Variants in NREP observed in about 807,000 individuals in gnomAD.
NREP encodes the protein neuronal regeneration related protein, also known as neuronal regeneration-related protein.
Under a neutral mutation model 8.6 loss-of-function variants are expected in NREP, and 5 were observed. That is an observed-to-expected ratio of 0.58 (90% CI 0.30 to 1.22). NREP has a LOEUF of 1.22. Among genes scored for constraint, NREP ranks in the 50% most tolerant of loss-of-function variants. NREP has a pLI of 0.07. For missense variants in NREP, 86 were observed against 82.5 expected (o/e 1.04, Z -0.17); for synonymous variants, 27 against 28.0 (o/e 0.96, Z 0.11).
chr5:111,773,549 A>G (rs1294284002), intron 2 of NREP, among the ~76,000 whole-genome samples: 2 of 152,160 alleles, frequency 1.3e-5, no homozygotes, highest in Non-Finnish European at 2.9e-5. Context: ...TTTGTTGGGG[A>G]GGATTGGAAA....
At position 111,897,215 on chromosome 5, in the gene NREP, T is replaced by A. The variant is rs147952369; in HGVS notation, c.135+78059A>T. Among the ~76,000 whole-genome samples the A allele has an allele frequency of 3.5e-3, 529 of 152,288 alleles. 1 individual carries two copies. The highest frequency in any genetic ancestry group is 0.012 in the African/African-American group (484 of 41,564). On this transcript the variant is annotated intron_variant, in intron 2 of 3. Transcript: ENST00000395634. ...AGGCAGATATTTGGATACCCATTTTTAAATTTAAAAAAATATTGTTCAACC... is the reference window on the plus strand; with the variant it reads ...AGGCAGATATTTGGATACCCATTTTAAAATTTAAAAAAATATTGTTCAACC...
At chr5:111,938,832 C>G (rs944295776) in intron 2 of NREP, among the ~76,000 whole-genome samples, 2 of 152,046 alleles carry the variant, frequency 1.3e-5, no homozygotes, top group Admixed American at 6.6e-5. Context: ...CCCATGAACT[C>G]TAACAACACT....
intron 2 of NREP, among the ~76,000 whole-genome samples, chr5:111,769,910 G>A (rs1467921431): frequency 6.6e-6 from 1 of 152,132 alleles, no homozygotes; most frequent in Non-Finnish European, 1.5e-5. Context: ...TCTGGGTGGG[G>A]ACACAGAGCC....
At chr5:111,917,624 T>C (rs570302049) in intron 2 of NREP, among the ~76,000 whole-genome samples, 11 of 152,284 alleles carry the variant, frequency 7.2e-5, no homozygotes, top group African/African-American at 2.6e-4. Context: ...ATTATCTCCA[T>C]AGATGCAGAA....
chr5:111,964,884 A>T lies in NREP; in HGVS notation c.135+10390T>A, dbSNP rs553083628. Among the ~76,000 whole-genome samples the T allele has an allele frequency of 8.9e-4, 124 of 139,510 alleles. 1 individual carries two copies. The highest frequency in any genetic ancestry group is 1.1e-3 in the Non-Finnish European group (76 of 66,626). 91.5% of individuals were successfully genotyped at this position (139,510 alleles called of 152,430 possible). On this transcript the variant is annotated intron_variant, in intron 2 of 3. Transcript: ENST00000395634. ...AAAAAAAAAAAAAAAAAAAAAAAAA[A>T]AAAAAAAAAAAGAAACCATGTAATT...
chr5:111,833,601 C>G (rs1002439606), intron 2 of NREP, among the ~76,000 whole-genome samples: 1 of 152,170 alleles, frequency 6.6e-6, no homozygotes, highest in Non-Finnish European at 1.5e-5. Context: ...GTTTGATACC[C>G]TGGGGACAGG....
At chr5:111,947,473 T>C (rs1756021868) in intron 2 of NREP, among the ~76,000 whole-genome samples, 1 of 152,004 alleles carries the variant, frequency 6.6e-6, no homozygotes, top group African/African-American at 2.4e-5. Context: ...ATATATAAAT[T>C]GTATTATGCA....
At chr5:111,849,139 G>A (rs1352873976) in intron 2 of NREP, among the ~76,000 whole-genome samples, 2 of 152,124 alleles carry the variant, frequency 1.3e-5, no homozygotes, top group African/African-American at 2.4e-5. Flanking sequence ...GGGAGCTTCT[G>A]GAACACACAG....
chr5:111,932,566 T>C (rs1468010120), intron 2 of NREP, among the ~76,000 whole-genome samples: 1 of 152,126 alleles, frequency 6.6e-6, no homozygotes, highest in Non-Finnish European at 1.5e-5. Flanking sequence ...ACTCCAGACA[T>C]ATAGATTAGT....
chr5:111,913,169 G>C (rs967944430), intron 2 of NREP, among the ~76,000 whole-genome samples: 2 of 152,050 alleles, frequency 1.3e-5, no homozygotes, highest in Non-Finnish European at 2.9e-5. Flanking sequence ...GGTTCAGAGA[G>C]GTTAAGTAAT....
At chr5:111,949,911 G>A (rs1222087329) in intron 2 of NREP, among the ~76,000 whole-genome samples, 1 of 152,030 alleles carries the variant, frequency 6.6e-6, no homozygotes, top group African/African-American at 2.4e-5. Flanking sequence ...TGTCTTTATG[G>A]TAGAATGATT....
intron 2 of NREP, among the ~76,000 whole-genome samples, chr5:111,855,039 A>G (rs972522184): frequency 2.6e-5 from 4 of 152,178 alleles, no homozygotes; most frequent in East Asian, 1.9e-4. Flanking sequence ...GATACAATCA[A>G]TGCCTCATGG....
At chr5:111,832,768 C>T (rs1752804372) in intron 2 of NREP, among the ~76,000 whole-genome samples, 1 of 152,226 alleles carries the variant, frequency 6.6e-6, no homozygotes, top group African/African-American at 2.4e-5. Flanking sequence ...CTGATAGCAT[C>T]TCTGAATCTC....
chr5:111,896,736 G>A (rs1754520185), intron 2 of NREP, among the ~76,000 whole-genome samples: 1 of 152,086 alleles, frequency 6.6e-6, no homozygotes, highest in Non-Finnish European at 1.5e-5. Flanking sequence ...TGCTTAATAG[G>A]TTCCTTTTGT....
chr5:111,795,266 G>A (rs1191093550), intron 2 of NREP, among the ~76,000 whole-genome samples: 1 of 152,166 alleles, frequency 6.6e-6, no homozygotes, highest in Non-Finnish European at 1.5e-5. Context: ...GCTAGGGAGT[G>A]GACTGGCTGC....
At chr5:111,782,527 A>C (rs907540625) in intron 2 of NREP, among the ~76,000 whole-genome samples, 1 of 152,202 alleles carries the variant, frequency 6.6e-6, no homozygotes, top group Non-Finnish European at 1.5e-5. Flanking sequence ...ATTTAATTTC[A>C]TTTATACTTA....
In NREP at chr5:111,749,503, G is replaced by A. The variant is rs1005150912; in HGVS notation, c.3+6267C>T. 3.9e-5 allele frequency among the ~76,000 whole-genome samples: 6 copies of A among 152,104 alleles called. No individual in the cohort carries two copies. The East Asian group carries it at 1.2e-3, about 29-fold the overall frequency. On this transcript the variant is annotated intron_variant, in intron 2 of 3. Transcript: ENST00000257435. ...TCATGTGAGGAGATTCTCTTTGGTT[G>A]GTCACCACACTACTGACTACATTAG...
chr5:111,742,459 C>T (rs150505990), intron 2 of NREP, among the ~76,000 whole-genome samples: 3 of 152,172 alleles, frequency 2.0e-5, no homozygotes, highest in East Asian at 3.9e-4. Flanking sequence ...TGAAATTAAT[C>T]GTCAGCACAA....
intron 2 of NREP, among the ~76,000 whole-genome samples, chr5:111,807,139 C>A (rs1277403968): frequency 6.6e-6 from 1 of 151,528 alleles, no homozygotes; most frequent in African/African-American, 2.4e-5. Context: ...AAAAAAAAAA[C>A]TTCATGTTTC....
Sources: gnomAD v4.1 joint callset for allele counts (sites outside exome capture counted in the v4.1 genomes callset) on GRCh38, gnomAD v4.1.1 for gene constraint, MANE v1.5 for transcripts, NCBI Gene and HGNC (gene_info 2026-07-23, HGNC 2026-07-21) for gene names.